CLNK: variants seen among roughly 807,000 people sequenced by gnomAD.
CLNK encodes the protein cytokine-dependent hematopoietic cell linker.
Under a neutral mutation model 68.6 loss-of-function variants are expected in CLNK, and 74 were observed. The observed-to-expected ratio is 1.08, with a 90% confidence interval of 0.89 to 1.31. The LOEUF is 1.31. Among genes scored for constraint, CLNK ranks in the 50% most tolerant of loss-of-function variants. The pLI is 0.00. For missense variants in CLNK, 553 were observed against 515.3 expected, an observed-to-expected ratio of 1.07 and a Z score of -0.71; for synonymous variants, 198 against 172.2, an observed-to-expected ratio of 1.15 and a Z score of -1.17.
intron 11 of CLNK, among the ~76,000 whole-genome samples, chr4:10,540,086 T>G (rs1476723492): frequency 6.6e-6 from 1 of 152,228 alleles, no homozygotes; most frequent in Non-Finnish European, 1.5e-5. Flanking sequence ...CCCCAGGTGT[T>G]GAGGCAGAGG....
intron 18 of CLNK, among the ~76,000 whole-genome samples, chr4:10,492,577 G>A (rs926923596): frequency 2.6e-5 from 4 of 152,176 alleles, no homozygotes; most frequent in Non-Finnish European, 2.9e-5. Context: ...TCACCAGGTC[G>A]CTCAGAGGCT....
Position 10,558,387 on chromosome 4 carries a change from T to G in CLNK, c.445+20A>C, listed in dbSNP as rs1365423349. Reference sequence around the variant, plus strand: ...ATGTTTTCATACTTACATTTTAAACTTCGATTAACATGACTTTACCTTTAA... The same window carrying G: ...ATGTTTTCATACTTACATTTTAAACGTCGATTAACATGACTTTACCTTTAA... On this transcript the variant is annotated intron_variant, in intron 8 of 18. Coordinates refer to ENST00000226951, the MANE Select transcript of CLNK (RefSeq NM_052964.4). 1 of 1,610,936 alleles carries G rather than the reference T, an allele frequency of 6.2e-7. No homozygotes were observed. The highest frequency in any genetic ancestry group is 1.1e-5 in the South Asian group (1 of 90,980).
intron 2 of CLNK, among the ~76,000 whole-genome samples, chr4:10,635,227 A>T (rs916680735): frequency 1.3e-5 from 2 of 152,180 alleles, no homozygotes; most frequent in East Asian, 1.9e-4. Context: ...CGTATTAGAC[A>T]TATGTTGCTC....
At chr4:10,543,985 T>G (rs186986219) in intron 8 of CLNK, among the ~76,000 whole-genome samples, 2 of 152,364 alleles carry the variant, frequency 1.3e-5, no homozygotes, top group Admixed American at 6.5e-5. Context: ...TAATGCTTGC[T>G]TAAGGGACAA....
At chr4:10,704,427 G>A in the CLNK span, among the ~76,000 whole-genome samples, 31 of 152,096 alleles carry the variant, frequency 2.0e-4, no homozygotes, top group South Asian at 6.2e-4. Flanking sequence ...CAATGGAACT[G>A]CAAACTTAAT....
chr4:10,512,834 C>T (rs1013785890), intron 16 of CLNK, among the ~76,000 whole-genome samples: 1 of 151,224 alleles, frequency 6.6e-6, no homozygotes, highest in South Asian at 2.1e-4. Flanking sequence ...TACAGTGAAA[C>T]TTTATCCCCC....
chr4:10,583,818 TG>T, intron 4 of CLNK, among the ~76,000 whole-genome samples: 1 of 152,296 alleles, frequency 6.6e-6, no homozygotes, highest in South Asian at 2.1e-4. Context: ...GGGAGCAAGA[TG>T]GGAGGAAGAG....
At chr4:10,689,762 T>TTTTTTTTTTTTTTTTTA (rs55754483), upstream of CLNK, among the ~76,000 whole-genome samples, 1 of 149,442 alleles carries the variant, frequency 6.7e-6, no homozygotes, top group Admixed American at 6.7e-5. Flanking sequence ...TTTTTTTTTT[T>TTTTTTTTTTTTTTTTTA]ACAAATTGTG....
intron 7 of CLNK, among the ~76,000 whole-genome samples, chr4:10,559,209 G>A (rs1282423455): frequency 1.3e-5 from 2 of 152,122 alleles, no homozygotes; most frequent in Non-Finnish European, 2.9e-5. Context: ...TTAATATTAG[G>A]GTCTTAGTAT....
chr4:10,630,527 C>A (rs1407811194), intron 2 of CLNK, among the ~76,000 whole-genome samples: 1 of 152,054 alleles, frequency 6.6e-6, no homozygotes, highest in Non-Finnish European at 1.5e-5. Context: ...GAGCCACTGT[C>A]TCTCCAAATA....
At chr4:10,505,907 AT>A (rs1296389511) in intron 17 of CLNK, among the ~76,000 whole-genome samples, 1 of 152,196 alleles carries the variant, frequency 6.6e-6, no homozygotes, top group African/African-American at 2.4e-5. Flanking sequence ...TATACATATA[AT>A]TTATTTAATT....
rs547223421 is a variant in CLNK at position 10,669,554 on chromosome 4, A to T, written c.-42-1643T>A. Among the ~76,000 whole-genome samples, 198 of 152,294 alleles carry T rather than the reference A, an allele frequency of 1.3e-3. 3 individuals are homozygous for T. The South Asian group carries it at 0.02, about 15-fold the overall frequency. ...TTTTGGTGAAACTGGAAGGGTTGGT[A>T]GCTGGGATGTTGGTAGTACATGAAA... On this transcript the variant is annotated intron_variant, in intron 1 of 18. Coordinates refer to ENST00000226951, the MANE Select transcript of CLNK (RefSeq NM_052964.4).
At chr4:10,521,683 G>A (rs955629906) in intron 14 of CLNK, among the ~76,000 whole-genome samples, 2 of 152,156 alleles carry the variant, frequency 1.3e-5, no homozygotes, top group Non-Finnish European at 2.9e-5. Context: ...GGATAAAAAC[G>A]CAAGCAGTTC....
intron 3 of CLNK, among the ~76,000 whole-genome samples, chr4:10,586,325 T>C (rs1720964324): frequency 8.6e-6 from 1 of 115,994 alleles, no homozygotes; most frequent in African/African-American, 3.2e-5. Context: ...TCTGAATCTT[T>C]CTTTTTTTTT....
the CLNK span, among the ~76,000 whole-genome samples, chr4:10,697,936 T>C: frequency 6.6e-6 from 1 of 152,172 alleles, no homozygotes; most frequent in Non-Finnish European, 1.5e-5. Context: ...CTTCATCCTC[T>C]CCATCATCAT....
rs1160151835 is a variant in CLNK, at chr4:10,532,238, G to C, written c.630+18C>G. On this transcript the variant is annotated intron_variant, in intron 12 of 18. Transcript: ENST00000226951. Reference sequence around the variant, plus strand: ...CAAAATTCCCTTCTTTGCTTCCAAGGATAAAATTGCTACTTACCTCACTTA... The same window carrying C: ...CAAAATTCCCTTCTTTGCTTCCAAGCATAAAATTGCTACTTACCTCACTTA... 1 of 1,599,994 alleles carries C rather than the reference G, an allele frequency of 6.3e-7. No individual in the cohort carries two copies.
the CLNK span, among the ~76,000 whole-genome samples, chr4:10,703,705 T>A: frequency 2.0e-5 from 3 of 152,192 alleles, no homozygotes. Context: ...ACTACACACC[T>A]AGGCATATAT....
chr4:10,591,876 G>T (rs894119951), intron 3 of CLNK, among the ~76,000 whole-genome samples: 1 of 152,334 alleles, frequency 6.6e-6, no homozygotes, highest in South Asian at 2.1e-4. Flanking sequence ...TTGGTTTCAA[G>T]AATTCTCCTC....
chr4:10,686,065 G>T (rs914392653), upstream of CLNK, among the ~76,000 whole-genome samples: 1 of 152,172 alleles, frequency 6.6e-6, no homozygotes, highest in Non-Finnish European at 1.5e-5. Context: ...CTGGCCTCTG[G>T]AAGTCTGAGA....
Sources: gnomAD v4.1 joint callset for allele counts (sites outside exome capture counted in the v4.1 genomes callset) on GRCh38, gnomAD v4.1.1 for gene constraint, MANE v1.5 for transcripts, NCBI Gene and HGNC (gene_info 2026-07-23, HGNC 2026-07-21) for gene names.